The following SLIT1 variants were observed in gnomAD, a reference collection of about 807,000 sequenced individuals.
SLIT1 encodes slit homolog 1 protein.
In SLIT1, 66 loss-of-function variants were observed where a neutral mutation model predicts 186.1. The ratio of observed to expected loss-of-function variants is 0.35; its 90% CI spans 0.29 to 0.44. The LOEUF is 0.44. SLIT1 is among the 20% of genes least tolerant of loss of function. The pLI is 1.00. For synonymous variants in SLIT1, 761 were observed against 833.8 expected, an observed-to-expected ratio of 0.91 and a Z score of 1.50; for missense variants, 1,638 against 2,037.4, an observed-to-expected ratio of 0.80 and a Z score of 3.77.
chr10:97,004,176 C>T lies in SLIT1; in HGVS notation c.3757G>A (p.Ala1253Thr), dbSNP rs751020526. 3.2e-5 allele frequency: 51 copies of T among 1,613,750 alleles called. No individual in the cohort carries two copies. Among genetic ancestry groups the T allele is most frequent in the African/African-American group, 1.5e-4 (11 of 74,940 alleles). Residue 1253 changes from alanine to threonine, a missense_variant, in exon 34 of 37, where the codon GCC becomes ACC. Transcript: ENST00000266058. The surrounding 1 kb of genome is among the most constrained non-coding windows in gnomAD (Gnocchi z 5.1). ...DGQFHTVELV[A>T]FDQMVNLSID... Reference sequence around the variant, plus strand: ...GAGAGATTCACCATCTGGTCAAAGGCAACCAGCTCAACGGTGTGGAATTGC... The same window carrying T: ...GAGAGATTCACCATCTGGTCAAAGGTAACCAGCTCAACGGTGTGGAATTGC...
chr10:97,110,899 C>T (rs545461757), intron 4 of SLIT1, among the ~76,000 whole-genome samples: 35 of 152,292 alleles, frequency 2.3e-4, no homozygotes, highest in African/African-American at 8.2e-4. Context: ...ATTTCTAAAG[C>T]ATTATTTTCA....
intron 11 of SLIT1, 47 bp from the exon 12 acceptor site, chr10:97,057,328 GGCAATAGCACAACTCT>G (rs1848850080): frequency 6.5e-7 from 1 of 1,534,450 alleles, no homozygotes; most frequent in Admixed American, 1.7e-5. Context: ...AGCCCACCAG[GGCAATAGCACAACTCT>G]GCAGACGGCC....
At chr10:97,080,384 G>C (rs559991879) in intron 4 of SLIT1, among the ~76,000 whole-genome samples, 17 of 152,196 alleles carry the variant, frequency 1.1e-4, no homozygotes, top group African/African-American at 3.6e-4. Context: ...CATCCCCAGC[G>C]GGGGCCCAAG....
intron 34 of SLIT1, among the ~76,000 whole-genome samples, chr10:97,003,282 C>A (rs934782760): frequency 6.6e-6 from 1 of 152,252 alleles, no homozygotes; most frequent in Non-Finnish European, 1.5e-5. Flanking sequence ...TGGCTTCCCT[C>A]GCCAAGGCGC....
At chr10:97,152,897 C>T (rs1849896900) in intron 4 of SLIT1, 1 of 152,154 alleles carries the variant, frequency 6.6e-6, no homozygotes. Context: ...TCATAAAGGC[C>T]ATTTTTGATG....
At position 97,179,975 on chromosome 10, in the gene SLIT1, G is replaced by A. The variant is rs976552467; in HGVS notation, c.197+5503C>T. On this transcript the variant is annotated intron_variant, in intron 1 of 36. Transcript: ENST00000266058. ...GCACAGAACTGGAGGCGGCAACTCC[G>A]CCAAGCACCCGTCTGCTCCCAATAA... is the stretch of plus-strand genomic sequence containing the variant. Among the ~76,000 whole-genome samples, 2 of 152,162 alleles carry A rather than the reference G, an allele frequency of 1.3e-5. 1 individual carries two copies. The highest frequency in any genetic ancestry group is 4.1e-4 in the South Asian group (2 of 4,826).
chr10:97,133,641 T>G (rs1849675229), intron 4 of SLIT1, among the ~76,000 whole-genome samples: 1 of 152,252 alleles, frequency 6.6e-6, no homozygotes, highest in Admixed American at 6.5e-5. Flanking sequence ...ATTATGATGG[T>G]AAATTTTATG....
At chr10:97,170,642 G>C (rs1850174952) in intron 1 of SLIT1, among the ~76,000 whole-genome samples, 1 of 152,164 alleles carries the variant, frequency 6.6e-6, no homozygotes, top group Non-Finnish European at 1.5e-5. Context: ...TTCTCCCCAA[G>C]GAGGAAAAAT....
At chr10:97,161,069 C>T (rs916889798) in intron 3 of SLIT1, among the ~76,000 whole-genome samples, 4 of 152,162 alleles carry the variant, frequency 2.6e-5, no homozygotes, top group East Asian at 3.9e-4. Flanking sequence ...TCACCTTTTA[C>T]GATCAACTGA....
intron 4 of SLIT1, among the ~76,000 whole-genome samples, chr10:97,138,456 C>A (rs1729393154): frequency 6.6e-6 from 1 of 152,244 alleles, no homozygotes; most frequent in Non-Finnish European, 1.5e-5. Flanking sequence ...GTTCAAATGA[C>A]CAGTTGTCCA....
intron 4 of SLIT1, 26 bp from the exon 5 acceptor site, chr10:97,066,112 GAA>G (rs1722309954): frequency 6.4e-7 from 1 of 1,555,558 alleles, no homozygotes. Flanking sequence ...CAGAGGGAGA[GAA>G]AACACCGGTC....
rs149287619 is a variant in SLIT1 at position 97,169,360 on chromosome 10, G to A, written c.198-4470C>T. Among the ~76,000 whole-genome samples the A allele has an allele frequency of 5.3e-4, 81 of 152,330 alleles. 1 individual carries two copies. In the South Asian group the frequency reaches 5.8e-3, roughly 11 times the overall value. ...CCTAAGGAGGTATCATTGCCACTTA[G>A]GCTGAGAAAGTGACCTCCTCTGGGT... On this transcript the variant is annotated intron_variant, in intron 1 of 36. Coordinates refer to ENST00000266058, the MANE Select transcript of SLIT1 (RefSeq NM_003061.3).
At position 97,002,935 on chromosome 10, in the gene SLIT1, G is replaced by A; in HGVS notation, c.3923C>T (p.Thr1308Ile). 6 of 1,614,214 alleles carry A rather than the reference G, an allele frequency of 3.7e-6. No individual in the cohort carries two copies. The highest frequency in any genetic ancestry group is 5.1e-6 in the Non-Finnish European group (6 of 1,180,022). ...AFRLWQILNG[T>I]GFHGCIRNLY... is the part of the protein sequence containing the mutation. ...GTTTCGGATGCAACCGTGGAAGCCG[G>A]TGCCGTTGAGGATCTGCCACAGGCG... Residue 1308 changes from threonine to isoleucine, a missense_variant, in exon 35 of 37, where the codon ACC becomes ATC. By Grantham distance (89) the Thr-to-Ile change is moderately conservative (BLOSUM62 -1). Transcript: ENST00000266058.
Position 97,002,187 on chromosome 10 carries a change from G to A in SLIT1, c.4337C>T (p.Pro1446Leu). The A allele has an allele frequency of 6.6e-7, 1 of 1,508,138 alleles. No homozygotes were observed. The highest frequency in any genetic ancestry group is 2.2e-5 in the Admixed American group (1 of 45,788). The allele number at this position is 1,508,138 out of a possible 1,614,324, so 93.4% of individuals were successfully genotyped here. A position where few individuals can be genotyped will look rare whatever the true frequency, so the allele number is the denominator to read the frequency against. The change falls in exon 36 of 37, where the codon CCC becomes CTC. Residue 1446 changes from proline (P) to leucine (L), a missense_variant. Physicochemically the swap from Pro to Leu is moderately conservative, Grantham distance 98. Transcript: ENST00000266058. ...CTCACACAGCTCGCCCGAAAAGCCG[G>A]GGTCACACACACAGTGTGCCCCCTT... ...GTKGAHCVCD[P>L]GFSGELCEQE...
intron 1 of SLIT1, among the ~76,000 whole-genome samples, chr10:97,165,570 G>C (rs545307672): frequency 6.6e-6 from 1 of 152,310 alleles, no homozygotes; most frequent in South Asian, 2.1e-4. Flanking sequence ...GAGGGGTGAA[G>C]GGGGCAGCAG....
At chr10:97,156,061 C>A (rs1488316024) in intron 4 of SLIT1, among the ~76,000 whole-genome samples, 3 of 152,198 alleles carry the variant, frequency 2.0e-5, no homozygotes, top group Non-Finnish European at 2.9e-5. Flanking sequence ...AAAAATTAAG[C>A]ACCCACTGTG....
Position 97,010,320 on chromosome 10 carries a change from C to T in SLIT1, c.3341+673G>A, listed in dbSNP as rs536785768. On this transcript the variant is annotated intron_variant, in intron 31 of 36. Coordinates refer to ENST00000266058, the MANE Select transcript of SLIT1 (RefSeq NM_003061.3). This position sits in a 1 kb window ranked among gnomAD's most constrained non-coding sequence, Gnocchi z 4.8. ...GCAGCCAGTCACAAAGGACAACAGA[C>T]TGTACGATTCGACTTATAGGAAATC... Among the ~76,000 whole-genome samples, 5 of 152,338 alleles carry T rather than the reference C, an allele frequency of 3.3e-5. No homozygotes were observed. In the South Asian group the frequency reaches 1.0e-3, roughly 32 times the overall value.
Position 97,043,546 on chromosome 10 carries a change from C to A in SLIT1, c.1854-33G>T. The A allele has an allele frequency of 6.3e-7, 1 of 1,598,134 alleles. No individual in the cohort carries two copies. The highest frequency in any genetic ancestry group is 1.1e-5 in the South Asian group (1 of 89,218). On this transcript the variant is annotated intron_variant, in intron 18 of 36. Coordinates refer to ENST00000266058, the MANE Select transcript of SLIT1 (RefSeq NM_003061.3). This position sits in a 1 kb window ranked among gnomAD's most constrained non-coding sequence, Gnocchi z 7.0. ...GGAACGGGGGAGGGAGGAGGGGACCCTTGCTGCCCTGCCAGCCATCCACCT... is the reference window on the plus strand; with the variant it reads ...GGAACGGGGGAGGGAGGAGGGGACCATTGCTGCCCTGCCAGCCATCCACCT...
chr10:97,141,000 G>A (rs1849751561), intron 4 of SLIT1, among the ~76,000 whole-genome samples: 2 of 152,142 alleles, frequency 1.3e-5, no homozygotes, highest in Admixed American at 1.3e-4. Context: ...GTGTCTGTGA[G>A]CAGATTAACC....
Sources: gnomAD v4.1 joint callset for allele counts (sites outside exome capture counted in the v4.1 genomes callset) on GRCh38, gnomAD v4.1.1 for gene constraint, Gnocchi (gnomAD v3.1) non-coding constraint, MANE v1.5 for transcripts, NCBI Gene and HGNC (gene_info 2026-07-23, HGNC 2026-07-21) for gene names.